The following RNF2 variants were observed in gnomAD, a reference collection of about 807,000 sequenced individuals.
RNF2 encodes the protein ring finger protein 2.
A neutral mutation model predicts 37.2 loss-of-function variants in RNF2; 6 were observed. The ratio of observed to expected loss-of-function variants is 0.16; its 90% CI spans 0.09 to 0.32. RNF2 has a LOEUF of 0.32. RNF2 is among the 10% of genes least tolerant of loss of function. The pLI, the probability that RNF2 is intolerant of heterozygous loss-of-function variation, is 1.00. For synonymous variants in RNF2, 133 were observed against 132.7 expected (o/e 1.00, Z -0.02); for missense variants, 251 against 404.0 (o/e 0.62, Z 3.25).
At chr1:185,047,755 CCAT>C (rs1557956531) in intron 1 of RNF2, among the ~76,000 whole-genome samples, 2 of 152,146 alleles carry the variant, frequency 1.3e-5, no homozygotes, top group East Asian at 3.8e-4. Context: ...AACTAAAAAT[CCAT>C]CACAGTTTGC....
chr1:185,088,078 T>C (rs1472652582), intron 2 of RNF2, among the ~76,000 whole-genome samples: 1 of 152,228 alleles, frequency 6.6e-6, no homozygotes, highest in African/African-American at 2.4e-5. Context: ...ATTTTGAGAT[T>C]CCTATACAAC....
chr1:185,062,818 C>A (rs556645235), intron 1 of RNF2, among the ~76,000 whole-genome samples: 2 of 150,134 alleles, frequency 1.3e-5, no homozygotes, highest in Non-Finnish European at 1.5e-5. Context: ...CCTCCCCCCC[C>A]CCAAAAAAAG....
intron 1 of RNF2, among the ~76,000 whole-genome samples, chr1:185,077,934 G>A (rs75300063): frequency 2.2e-4 from 33 of 151,928 alleles, no homozygotes; most frequent in African/African-American, 4.6e-4. Context: ...TAGTATTTTC[G>A]TTTTATTCAT....
chr1:185,069,287 T>G (rs1311370037), intron 1 of RNF2, among the ~76,000 whole-genome samples: 1 of 151,884 alleles, frequency 6.6e-6, no homozygotes, highest in Admixed American at 6.6e-5. Flanking sequence ...ACCCCGTCTC[T>G]ACAAAAAATA....
chr1:185,076,507 C>T (rs1168315450), intron 1 of RNF2, among the ~76,000 whole-genome samples: 4 of 149,996 alleles, frequency 2.7e-5, no homozygotes, highest in African/African-American at 4.9e-5. Flanking sequence ...AGCCAGGACT[C>T]GATCTCCTGA....
At chr1:185,056,532 T>A (rs546894800) in intron 1 of RNF2, among the ~76,000 whole-genome samples, 35 of 152,120 alleles carry the variant, frequency 2.3e-4, no homozygotes, top group Admixed American at 4.6e-4. Flanking sequence ...CTCATTTATT[T>A]TTTTTTATTT....
chr1:185,082,364 T>TTTTTTTTTTTTTTTTTTTG (rs1173750596), intron 1 of RNF2, among the ~76,000 whole-genome samples: 1 of 114,890 alleles, frequency 8.7e-6, no homozygotes, highest in Non-Finnish European at 1.9e-5. Flanking sequence ...TTTTTTTTTT[T>TTTTTTTTTTTTTTTTTTTG]TTTGAAGACA....
In RNF2 at chr1:185,102,055, T is replaced by G. The variant is rs1652094120; in HGVS notation, c.*1754T>G. The G allele has an allele frequency of 6.6e-6, 1 of 152,544 alleles. No homozygotes were observed. The highest frequency in any genetic ancestry group is 1.5e-5 in the Non-Finnish European group (1 of 68,002). 9.4% of individuals were successfully genotyped at this position (152,544 alleles called of 1,614,324 possible). A position where few individuals can be genotyped will look rare whatever the true frequency, so the allele number is the denominator to read the frequency against. On this transcript the variant is annotated 3_prime_UTR_variant, in exon 7 of 7. Transcript: ENST00000367510. ...TTGCATTAAATAACTAAATTCCCATTGTGATTAATTGAAATTTTGTCTTTA... is the reference window on the plus strand; with the variant it reads ...TTGCATTAAATAACTAAATTCCCATGGTGATTAATTGAAATTTTGTCTTTA...
At chr1:185,047,633 C>T (rs1319173263) in intron 1 of RNF2, among the ~76,000 whole-genome samples, 2 of 152,274 alleles carry the variant, frequency 1.3e-5, no homozygotes, top group South Asian at 2.1e-4. Flanking sequence ...TAATTTCTTC[C>T]AGCAAGAGAA....
At chr1:185,068,113 C>T (rs150711577) in intron 1 of RNF2, among the ~76,000 whole-genome samples, 1,869 of 152,196 alleles carry the variant, frequency 0.012, 38 homozygotes, top group African/African-American at 0.042. Flanking sequence ...AAGCGATTCT[C>T]CTGCCTCAGC....
intron 5 of RNF2, 49 bp downstream of exon 5, chr1:185,098,393 T>G: frequency 6.3e-7 from 1 of 1,587,526 alleles, no homozygotes; most frequent in Non-Finnish European, 8.6e-7. Flanking sequence ...AATGTTTAAT[T>G]TGGAGGTAAA....
intron 4 of RNF2, among the ~76,000 whole-genome samples, chr1:185,093,942 C>T (rs1488443076): frequency 6.6e-6 from 1 of 152,080 alleles, no homozygotes; most frequent in African/African-American, 2.4e-5. Context: ...ATGCTGATGA[C>T]TCCCAAATTT....
At chr1:185,098,757 CTT>C (rs111908854) in intron 5 of RNF2, among the ~76,000 whole-genome samples, 13 of 146,636 alleles carry the variant, frequency 8.9e-5, no homozygotes, top group Admixed American at 2.7e-4. Context: ...CTCAAATTAA[CTT>C]TTTTTTTTTT....
At chr1:185,050,741 A>G (rs546541559) in intron 1 of RNF2, among the ~76,000 whole-genome samples, 4 of 152,364 alleles carry the variant, frequency 2.6e-5, no homozygotes, top group African/African-American at 9.6e-5. Flanking sequence ...TTTAAACTGC[A>G]TAGTACCAAT....
chr1:185,046,566 C>T (rs1023805711), intron 1 of RNF2, among the ~76,000 whole-genome samples: 1 of 151,908 alleles, frequency 6.6e-6, no homozygotes, highest in Admixed American at 6.6e-5. Context: ...TATTTGAAGC[C>T]CCTTTGGGTA....
intron 1 of RNF2, among the ~76,000 whole-genome samples, chr1:185,083,626 C>T (rs1344554291): frequency 6.6e-6 from 1 of 151,838 alleles, no homozygotes; most frequent in African/African-American, 2.4e-5. Flanking sequence ...TTACTCTAGT[C>T]ACTATTATTA....
intron 1 of RNF2, among the ~76,000 whole-genome samples, chr1:185,067,913 G>C (rs534317474): frequency 6.6e-6 from 1 of 151,480 alleles, no homozygotes; most frequent in East Asian, 2.0e-4. Context: ...GTTTCACCGT[G>C]TTGGCCAGGA....
intron 1 of RNF2, among the ~76,000 whole-genome samples, chr1:185,071,356 A>G (rs1650967449): frequency 6.6e-6 from 1 of 152,140 alleles, no homozygotes; most frequent in Non-Finnish European, 1.5e-5. Flanking sequence ...AAAGATTAAG[A>G]CGAGGGAAGC....
intron 1 of RNF2, among the ~76,000 whole-genome samples, chr1:185,077,370 G>GTGT (rs1462405071): frequency 6.6e-6 from 1 of 151,156 alleles, no homozygotes; most frequent in Non-Finnish European, 1.5e-5. Flanking sequence ...TTTCAGCAGA[G>GTGT]TGTTGGGTGG....
Sources: gnomAD v4.1 joint callset for allele counts (sites outside exome capture counted in the v4.1 genomes callset) on GRCh38, gnomAD v4.1.1 for gene constraint, MANE v1.5 for transcripts, NCBI Gene and HGNC (gene_info 2026-07-23, HGNC 2026-07-21) for gene names.